The following STKLD1 variants were observed in gnomAD, a reference collection of about 807,000 sequenced individuals.
The protein encoded by STKLD1 is serine/threonine kinase-like domain-containing protein STKLD1.
Under a neutral mutation model 80.4 loss-of-function variants are expected in STKLD1, and 79 were observed. The observed-to-expected ratio is 0.98, with a 90% CI of 0.82 to 1.19. The LOEUF is 1.19. STKLD1 is among the 50% of genes most tolerant of loss of function. The pLI is 0.00. For missense variants in STKLD1, 841 were observed against 856.0 expected, an observed-to-expected ratio of 0.98 and a Z score of 0.22; for synonymous variants, 393 against 357.6, an observed-to-expected ratio of 1.10 and a Z score of -1.12.
At chr9:133,380,693 A>G (rs1055179985) in intron 2 of STKLD1, among the ~76,000 whole-genome samples, 3 of 151,990 alleles carry the variant, frequency 2.0e-5, no homozygotes, top group Non-Finnish European at 2.9e-5. Context: ...TAAAAATATC[A>G]CCCAATTATT....
chr9:133,388,847 T>G, intron 5 of STKLD1: 1 of 985,428 alleles, frequency 1.0e-6, no homozygotes, highest in Non-Finnish European at 1.2e-6. Context: ...ACCATGGGCC[T>G]CAGAGGCAGG....
At chr9:133,401,122 GA>G (rs1207645195) in intron 12 of STKLD1, among the ~76,000 whole-genome samples, 3 of 146,610 alleles carry the variant, frequency 2.0e-5, no homozygotes, top group African/African-American at 7.9e-5. Context: ...GATTTTTTTT[GA>G]AACAAAAAGT....
intron 9 of STKLD1, among the ~76,000 whole-genome samples, chr9:133,396,681 C>T (rs1417444440): frequency 1.3e-5 from 2 of 151,548 alleles, no homozygotes; most frequent in African/African-American, 2.4e-5. Flanking sequence ...TGCTGGAACC[C>T]GGGAGGTGGA....
chr9:133,403,058 C>T, intron 14 of STKLD1, 46 bp downstream of exon 14: 4 of 1,524,724 alleles, frequency 2.6e-6, no homozygotes, highest in Non-Finnish European at 3.5e-6. Context: ...GGCAGCCCTC[C>T]CCCAGCCCCT....
In STKLD1 at chr9:133,405,283, T is replaced by G; in HGVS notation, c.1905T>G (p.Ser635Arg). 6.2e-7 allele frequency: 1 copy of G among 1,612,320 alleles called. No homozygotes were observed. The highest frequency in any genetic ancestry group is 2.2e-5 in the East Asian group (1 of 44,884). Reference sequence around the variant, plus strand: ...TCCTGCCGGAGCTGGTGTCCAGTAGTATGAAGGCCCTGCTCCAGGAGATCA... The same window carrying G: ...TCCTGCCGGAGCTGGTGTCCAGTAGGATGAAGGCCCTGCTCCAGGAGATCA... ...EEILPELVSS[S>R]MKALLQEIKE... Residue 635 changes from serine to arginine, a missense_variant, in exon 18 of 18, where the codon AGT becomes AGG. Ser to Arg is a moderately radical substitution (Grantham distance 110). Transcript: ENST00000371957.
chr9:133,404,724 TG>T (rs1838801414), intron 16 of STKLD1, 64 bp from the exon 17 acceptor site: 1 of 1,582,210 alleles, frequency 6.3e-7, no homozygotes, highest in South Asian at 1.1e-5. Flanking sequence ...CATCCCGTCC[TG>T]GGCAGAAGGC....
chr9:133,383,329 GTGATGGTGA>G (rs1838190411), intron 2 of STKLD1, among the ~76,000 whole-genome samples: 1 of 18,158 alleles, frequency 5.5e-5, no homozygotes, highest in African/African-American at 1.4e-4. Context: ...GATGATGGTG[GTGATGGTGA>G]TGGTGATGAT....
At chr9:133,381,911 G>A (rs1252407414) in intron 2 of STKLD1, among the ~76,000 whole-genome samples, 1 of 152,162 alleles carries the variant, frequency 6.6e-6, no homozygotes, top group Admixed American at 6.5e-5. Flanking sequence ...CATAGATCTG[G>A]GAACAATTCA....
intron 8 of STKLD1, among the ~76,000 whole-genome samples, chr9:133,395,219 G>A (rs1838528285): frequency 6.6e-6 from 1 of 152,172 alleles, no homozygotes; most frequent in Non-Finnish European, 1.5e-5. Context: ...CCAGGGAAAT[G>A]AGAGCCTTCC....
At chr9:133,383,931 G>A in intron 3 of STKLD1, 31 bp downstream of exon 3, 2 of 1,593,678 alleles carry the variant, frequency 1.3e-6, no homozygotes, top group African/African-American at 2.7e-5. Context: ...CCCTCTGGAA[G>A]AGCTCAATGG....
In STKLD1 at chr9:133,400,505, C is replaced by G. The variant is rs1383001152; in HGVS notation, c.1174C>G (p.Leu392Val). ...VLDVQLCACS[L>V]LLHLLGQALV... ...CGATGTCCAGCTGTGTGCCTGCTCCCTGCTGCTGCACCTCCTGGGCCAAGG... is the reference window on the plus strand; with the variant it reads ...CGATGTCCAGCTGTGTGCCTGCTCCGTGCTGCTGCACCTCCTGGGCCAAGG... Residue 392 changes from leucine to valine, a missense_variant, in exon 12 of 18, where the codon CTG becomes GTG. Coordinates refer to ENST00000371957, the MANE Select transcript of STKLD1 (RefSeq NM_153710.5). The G allele has an allele frequency of 1.2e-6, 2 of 1,613,032 alleles. No individual in the cohort carries two copies. The highest frequency in any genetic ancestry group is 2.2e-5 in the East Asian group (1 of 44,888).
intron 17 of STKLD1, 106 bp downstream of exon 17, chr9:133,405,035 C>T (rs1554778450): frequency 6.7e-7 from 1 of 1,489,888 alleles, no homozygotes; most frequent in African/African-American, 1.4e-5. Context: ...GGGCTCAACC[C>T]CACTTCTCGG....
At chr9:133,402,276 A>C (rs1476302907) in intron 13 of STKLD1, among the ~76,000 whole-genome samples, 2 of 152,168 alleles carry the variant, frequency 1.3e-5, no homozygotes, top group Non-Finnish European at 2.9e-5. Flanking sequence ...AGGGCCATAC[A>C]GAGCGCTCAC....
intron 7 of STKLD1, among the ~76,000 whole-genome samples, chr9:133,393,702 A>C (rs1289875658): frequency 6.6e-6 from 1 of 151,868 alleles, no homozygotes; most frequent in Non-Finnish European, 1.5e-5. Context: ...ATGGGTGGAC[A>C]GACGGGCAGA....
chr9:133,401,742 G>A lies in STKLD1; in HGVS notation c.1203G>A (p.Leu401=). 1.2e-6 allele frequency: 2 copies of A among 1,612,080 alleles called. No individual in the cohort carries two copies. The highest frequency in any genetic ancestry group is 1.3e-5 in the African/African-American group (1 of 75,018). The part of the protein sequence containing the change: ...SLLLHLLGQA[L]VHHPEAKAPC... ...GTCTTCCTCTGGCTTGAGCAGCGCT[G>A]GTGCACCACCCGGAAGCCAAGGCTC... The change falls in exon 13 of 18, where the codon CTG becomes CTA. Residue 401 remains leucine (L), a synonymous_variant. Coordinates refer to ENST00000371957, the MANE Select transcript of STKLD1 (RefSeq NM_153710.5).
chr9:133,388,843 G>A (rs886739615), intron 5 of STKLD1: 2 of 985,236 alleles, frequency 2.0e-6, no homozygotes, highest in African/African-American at 1.7e-5. Flanking sequence ...TCTTACCATG[G>A]GCCTCAGAGG....
Position 133,394,208 on chromosome 9 carries a change from C to A in STKLD1, c.584-83C>A. The A allele has an allele frequency of 1.1e-6, 1 of 904,310 alleles. No individual in the cohort carries two copies. Among genetic ancestry groups the A allele is most frequent in the Non-Finnish European group, 1.9e-6 (1 of 537,928 alleles). 56.0% of individuals were successfully genotyped at this position (904,310 alleles called of 1,614,324 possible). A position where few individuals can be genotyped will look rare whatever the true frequency, so the allele number is the denominator to read the frequency against. ...TTGCGGGGGGCCACCAAAGGGGATA[C>A]AGTGCTGGGCAGGGTGACTCTGTCA... On this transcript the variant is annotated intron_variant, in intron 7 of 17. Transcript: ENST00000371957. This position sits in a 1 kb window ranked among gnomAD's most constrained non-coding sequence, Gnocchi z 4.9.
Position 133,390,113 on chromosome 9 carries a change from G to C in STKLD1, c.467+517G>C, listed in dbSNP as rs1035337977. On this transcript the variant is annotated intron_variant, in intron 6 of 17. Transcript: ENST00000371957. The surrounding 1 kb of genome is among the most constrained non-coding windows in gnomAD (Gnocchi z 5.1). ...AGCAACATGGAGGCTGAGATGGGAG[G>C]ATTGCTTGAAGCCAGGAGCTTGAGG... Among the ~76,000 whole-genome samples, 2 of 151,868 alleles carry C rather than the reference G, an allele frequency of 1.3e-5. No individual in the cohort carries two copies.
chr9:133,385,968 G>T lies in STKLD1; in HGVS notation c.294+277G>T, dbSNP rs1345717931. ...AGTCTCGCTCTTGTCCCCCAGGCTG[G>T]AGTGTAATGGTGTGATCTTGGCTCA... On this transcript the variant is annotated intron_variant, in intron 4 of 17. Transcript: ENST00000371957. This position sits in a 1 kb window ranked among gnomAD's most constrained non-coding sequence, Gnocchi z 4.9. 9.9e-5 allele frequency among the ~76,000 whole-genome samples: 15 copies of T among 152,014 alleles called. No individual in the cohort carries two copies. Among genetic ancestry groups the T allele is most frequent in the Non-Finnish European group, 1.9e-4 (13 of 67,982 alleles).
Sources: allele counts gnomAD v4.1 joint callset (sites outside exome capture counted in the v4.1 genomes callset), GRCh38; gene constraint gnomAD v4.1.1; non-coding constraint Gnocchi (gnomAD v3.1); transcripts MANE v1.5; gene names NCBI Gene and HGNC (gene_info 2026-07-23, HGNC 2026-07-21).